The following SETBP1 variants were observed in gnomAD, a reference collection of about 807,000 sequenced individuals.
SETBP1 encodes the protein SET-binding protein.
A neutral mutation model predicts 101.0 loss-of-function variants in SETBP1; 9 were observed. That is an observed-to-expected ratio of 0.09 (90% CI 0.05 to 0.16). SETBP1 has a LOEUF of 0.16. Among genes scored for constraint, SETBP1 ranks in the 10% least tolerant of loss-of-function variants. The probability of loss-of-function intolerance (pLI) is 1.00; values close to 1 mark genes in which losing one functional copy is unlikely to be tolerated. For missense variants in SETBP1, 1,858 were observed against 2,033.8 expected (o/e 0.91, Z 1.66); for synonymous variants, 818 against 788.5 (o/e 1.04, Z -0.63).
At chr18:45,028,249 G>C (rs8092427) in intron 4 of SETBP1, among the ~76,000 whole-genome samples, 49,909 of 148,222 alleles carry the variant, frequency 0.34, 9,117 homozygotes, top group Middle Eastern at 0.44. Flanking sequence ...CTATGAGTGA[G>C]AAAATGCAGT....
chr18:45,057,514 T>C (rs955885078), intron 5 of SETBP1, among the ~76,000 whole-genome samples: 16 of 152,010 alleles, frequency 1.1e-4, no homozygotes, highest in Non-Finnish European at 1.8e-4. Context: ...ACTCTGGAAG[T>C]AGAGAAAAAA....
chr18:44,680,389 G>A (rs2068738712), upstream of SETBP1: 3 of 151,852 alleles, frequency 2.0e-5, no homozygotes. Context: ...GAGCCGCCGG[G>A]ACATGGGTGA....
At chr18:44,979,984 A>G (rs1405862321) in intron 4 of SETBP1, among the ~76,000 whole-genome samples, 1 of 152,236 alleles carries the variant, frequency 6.6e-6, no homozygotes, top group Non-Finnish European at 1.5e-5. Context: ...TCAACTCAGC[A>G]AATGTTGATC....
At chr18:45,030,548 C>T (rs1236653255) in intron 4 of SETBP1, among the ~76,000 whole-genome samples, 1 of 147,562 alleles carries the variant, frequency 6.8e-6, no homozygotes, top group Non-Finnish European at 1.5e-5. Context: ...GGAGGATTCC[C>T]TCTTTTTCTA....
At chr18:44,999,198 T>G (rs1246887820) in intron 4 of SETBP1, among the ~76,000 whole-genome samples, 1 of 152,114 alleles carries the variant, frequency 6.6e-6, no homozygotes, top group Non-Finnish European at 1.5e-5. Context: ...TTAGGGGTAA[T>G]AGTCTGGTCT....
rs766444991 is a variant in SETBP1 at position 44,951,542 on chromosome 18, G to A, written c.2202G>A (p.Glu734=). ...AGCGGGGCAGGAAGCCAAGAGCAGA[G>A]CTGCCACCCCCATCCGAAGAACCCA... is the stretch of plus-strand genomic sequence containing the variant. The part of the protein sequence containing the change: ...GKKRGRKPRA[E]LPPPSEEPKT... The change falls in exon 4 of 6, where the codon GAG becomes GAA. Residue 734 remains glutamate, a synonymous_variant. Coordinates refer to ENST00000649279, the MANE Select transcript of SETBP1 (RefSeq NM_015559.3). The surrounding 1 kb of genome is among the most constrained non-coding windows in gnomAD (Gnocchi z 7.8). 8 of 1,614,118 alleles carry A rather than the reference G, an allele frequency of 5.0e-6. No individual in the cohort carries two copies. Among genetic ancestry groups the A allele is most frequent in the Non-Finnish European group, 6.8e-6 (8 of 1,180,038 alleles).
At chr18:45,034,832 C>G (rs936440874) in intron 4 of SETBP1, among the ~76,000 whole-genome samples, 13 of 152,216 alleles carry the variant, frequency 8.5e-5, no homozygotes, top group African/African-American at 2.9e-4. Flanking sequence ...CCAGAGCACA[C>G]CCGTGGCATT....
chr18:44,973,600 C>T (rs368205546), intron 4 of SETBP1, among the ~76,000 whole-genome samples: 11 of 152,156 alleles, frequency 7.2e-5, no homozygotes, highest in East Asian at 5.8e-4. Flanking sequence ...GCTTCCTGGA[C>T]GGCTAGAAAA....
At chr18:44,832,719 C>T (rs566742982) in intron 2 of SETBP1, among the ~76,000 whole-genome samples, 1 of 152,288 alleles carries the variant, frequency 6.6e-6, no homozygotes, top group East Asian at 1.9e-4. Flanking sequence ...TTACAGGGGC[C>T]TGGCTGGGCA....
chr18:44,787,016 G>A (rs538933876), intron 2 of SETBP1, among the ~76,000 whole-genome samples: 19 of 152,312 alleles, frequency 1.2e-4, no homozygotes, highest in African/African-American at 4.6e-4. Flanking sequence ...AGAACATTTT[G>A]AGCAGTTACC....
intron 1 of SETBP1, among the ~76,000 whole-genome samples, chr18:44,684,352 C>T (rs192175202): frequency 2.6e-4 from 40 of 152,264 alleles, no homozygotes; most frequent in African/African-American, 9.4e-4. Flanking sequence ...GACTATAATT[C>T]GTGAATGCAG....
chr18:44,747,834 G>T (rs998783345), intron 2 of SETBP1, among the ~76,000 whole-genome samples: 2 of 152,166 alleles, frequency 1.3e-5, no homozygotes, highest in Admixed American at 6.5e-5. Context: ...CTTCAAGTGT[G>T]GTTGAGTTTA....
chr18:44,787,933 A>G (rs1426068204), intron 2 of SETBP1, among the ~76,000 whole-genome samples: 1 of 149,356 alleles, frequency 6.7e-6, no homozygotes, highest in African/African-American at 2.5e-5. Context: ...GACTTCATGA[A>G]ACATAAATAA....
At chr18:44,917,170 G>C (rs1431827952) in intron 3 of SETBP1, among the ~76,000 whole-genome samples, 1 of 152,234 alleles carries the variant, frequency 6.6e-6, no homozygotes, top group Non-Finnish European at 1.5e-5. Context: ...AACCTTCTGT[G>C]TGGGATAGGA....
Position 44,951,995 on chromosome 18 carries a change from C to T in SETBP1, c.2655C>T (p.Ser885=), listed in dbSNP as rs143325806. The T allele has an allele frequency of 6.2e-7, 1 of 1,613,916 alleles. No homozygotes were observed. The highest frequency in any genetic ancestry group is 8.5e-7 in the Non-Finnish European group (1 of 1,180,030). The change falls in exon 4 of 6, where the codon AGC becomes AGT. Residue 885 remains serine, a synonymous_variant. Transcript: ENST00000649279. The surrounding 1 kb of genome is among the most constrained non-coding windows in gnomAD (Gnocchi z 7.8). ...NNSTSDQAEK[S]SESRRRYSFD... Reference sequence around the variant, plus strand: ...GCACTTCTGACCAAGCGGAGAAGAGCTCAGAATCCCGAAGGAGGTACTCTT... The same window carrying T: ...GCACTTCTGACCAAGCGGAGAAGAGTTCAGAATCCCGAAGGAGGTACTCTT...
At chr18:44,938,958 ATGTGTGTGTG>A (rs111916615) in intron 3 of SETBP1, among the ~76,000 whole-genome samples, 1 of 147,234 alleles carries the variant, frequency 6.8e-6, no homozygotes, top group Non-Finnish European at 1.5e-5. Flanking sequence ...GAGTGTGTGC[ATGTGTGTGTG>A]TGTGTGTGTG....
intron 4 of SETBP1, among the ~76,000 whole-genome samples, chr18:45,031,162 CT>C (rs1165783077): frequency 6.6e-6 from 1 of 152,092 alleles, no homozygotes; most frequent in Non-Finnish European, 1.5e-5. Context: ...CATCATATCT[CT>C]TTTTCACTAA....
rs370956911 is a variant in SETBP1, at chr18:44,689,426, G to A, written c.-173+8405G>A. On this transcript the variant is annotated intron_variant, in intron 1 of 5. Coordinates refer to ENST00000649279, the MANE Select transcript of SETBP1 (RefSeq NM_015559.3). ...CAGGGCCCTCTATGTCAGACTCAAT[G>A]TGCCTGTTATAATTCAAACTAATCA... Among the ~76,000 whole-genome samples, 7 of 152,292 alleles carry A rather than the reference G, an allele frequency of 4.6e-5. No homozygotes were observed. In the East Asian group the frequency reaches 7.7e-4, roughly 17 times the overall value.
chr18:44,923,372 A>C (rs1230679003), intron 3 of SETBP1, among the ~76,000 whole-genome samples: 2 of 152,242 alleles, frequency 1.3e-5, no homozygotes, highest in Non-Finnish European at 1.5e-5. Flanking sequence ...CTAATGAACA[A>C]ACTGAAGTCA....
Sources: allele counts gnomAD v4.1 joint callset (sites outside exome capture counted in the v4.1 genomes callset), GRCh38; gene constraint gnomAD v4.1.1; non-coding constraint Gnocchi (gnomAD v3.1); transcripts MANE v1.5; gene names NCBI Gene and HGNC (gene_info 2026-07-23, HGNC 2026-07-21).